Variants in STRADA observed in about 807,000 individuals in gnomAD.
STRADA encodes the protein STE20-related kinase adapter protein alpha.
In STRADA, 26 loss-of-function variants were observed where a neutral mutation model predicts 55.0. The ratio of observed to expected loss-of-function variants is 0.47; its 90% CI spans 0.35 to 0.66. STRADA has a LOEUF of 0.66. Ranked by LOEUF, STRADA falls within the 30% of genes least tolerant of loss-of-function variation. The pLI, the probability that STRADA is intolerant of heterozygous loss-of-function variation, is 0.01. For synonymous variants in STRADA, 197 were observed against 210.9 expected (o/e 0.93, Z 0.57); for missense variants, 443 against 549.7 (o/e 0.81, Z 1.94).
rs547668085 is a variant in STRADA, at chr17:63,710,138, G to A, written c.581+353C>T. 5.4e-3 allele frequency among the ~76,000 whole-genome samples: 808 copies of A among 150,680 alleles called. 6 individuals carry two copies. Among genetic ancestry groups the A allele is most frequent in the African/African-American group, 0.018 (736 of 40,964 alleles). ...CAACCTCCGCCTCCCAGGTTCAAGC[G>A]ATTCTCCTGCCTCAGCTTGTAGTCC... is the stretch of plus-strand genomic sequence containing the variant. On this transcript the variant is annotated intron_variant, in intron 8 of 12. Coordinates refer to ENST00000336174, the MANE Select transcript of STRADA (RefSeq NM_001003787.4).
chr17:63,707,753 C>T (rs979889034), intron 8 of STRADA, among the ~76,000 whole-genome samples: 9 of 150,108 alleles, frequency 6.0e-5, no homozygotes, highest in Non-Finnish European at 1.2e-4. Flanking sequence ...TTTTTTGAGA[C>T]GGAGTCTTGC....
intron 8 of STRADA, among the ~76,000 whole-genome samples, chr17:63,707,875 C>T (rs529762185): frequency 4.0e-5 from 6 of 151,386 alleles, no homozygotes; most frequent in African/African-American, 1.2e-4. Flanking sequence ...GGACTACAGG[C>T]ACCCGCCACC....
intron 3 of STRADA, 53 bp downstream of exon 3, chr17:63,726,585 A>C (rs2037676057): frequency 1.9e-6 from 3 of 1,569,284 alleles, no homozygotes; most frequent in Non-Finnish European, 2.6e-6. Flanking sequence ...GTCAACAAAA[A>C]AGTAGTGATT....
chr17:63,740,129 C>CACAT (rs1568234014), intron 1 of STRADA, among the ~76,000 whole-genome samples: 12 of 50,388 alleles, frequency 2.4e-4, no homozygotes, highest in African/African-American at 8.0e-4. Flanking sequence ...TATATATATA[C>CACAT]ACATACATAT....
At chr17:63,736,936 A>G (rs1481242634) in intron 1 of STRADA, among the ~76,000 whole-genome samples, 1 of 150,776 alleles carries the variant, frequency 6.6e-6, no homozygotes, top group Admixed American at 6.7e-5. Context: ...TTTGAAACAA[A>G]CTTAAATGTG....
chr17:63,740,113 C>CACAAAA (rs2038797922), intron 1 of STRADA, among the ~76,000 whole-genome samples: 1 of 51,094 alleles, frequency 2.0e-5, no homozygotes, highest in Non-Finnish European at 3.3e-5. Flanking sequence ...TATATACATA[C>CACAAAA]ATACATATAT....
Position 63,726,707 on chromosome 17 carries a change from A to G in STRADA, c.37-12T>C. On this transcript the variant is annotated splice_polypyrimidine_tract_variant and intron_variant, in intron 2 of 12. Transcript: ENST00000336174. ...TCCGAGACCCACCGCTAAAGAGGAA[A>G]ACCCCAAAGAGAATTAGTATTTCTT... 6.2e-7 allele frequency: 1 copy of G among 1,614,000 alleles called. No individual in the cohort carries two copies. The highest frequency in any genetic ancestry group is 8.5e-7 in the Non-Finnish European group (1 of 1,179,908).
rs1353469415 is a variant in STRADA at position 63,706,752 on chromosome 17, A to G, written c.754-13T>C. ...AACCCTGGAGATTCTAAGCCAGAAA[A>G]AAAAGGCCACAGATTACCCCATTTG... On this transcript the variant is annotated splice_polypyrimidine_tract_variant and intron_variant, in intron 9 of 12. Coordinates refer to ENST00000336174, the MANE Select transcript of STRADA (RefSeq NM_001003787.4). 1 of 1,605,618 alleles carries G rather than the reference A, an allele frequency of 6.2e-7. No homozygotes were observed. Among genetic ancestry groups the G allele is most frequent in the Non-Finnish European group, 8.5e-7 (1 of 1,173,244 alleles).
chr17:63,709,525 T>C (rs917116368), intron 8 of STRADA, among the ~76,000 whole-genome samples: 3 of 152,212 alleles, frequency 2.0e-5, no homozygotes, highest in African/African-American at 7.2e-5. Flanking sequence ...GTCACTTGTT[T>C]CTTAACCTTT....
intron 4 of STRADA, 28 bp from the exon 5 acceptor site, chr17:63,714,136 G>A: frequency 1.3e-6 from 2 of 1,543,852 alleles, no homozygotes; most frequent in Non-Finnish European, 8.9e-7. Context: ...AAATAGGTTA[G>A]TAGAGAAAAC....
intron 1 of STRADA, among the ~76,000 whole-genome samples, chr17:63,735,826 G>A (rs551179468): frequency 6.6e-6 from 1 of 152,274 alleles, no homozygotes; most frequent in South Asian, 2.1e-4. Context: ...ACAAAACTGC[G>A]CAATAAGGAA....
rs1228869564 is a variant in STRADA at position 63,740,135 on chromosome 17, CATATAT to C, written c.-45+1600_-45+1605del. Among the ~76,000 whole-genome samples, 60 of 54,218 alleles carry C rather than the reference CATATAT, an allele frequency of 1.1e-3. 1 individual carries two copies. The highest frequency in any genetic ancestry group is 4.4e-3 in the African/African-American group (55 of 12,500). 35.6% of individuals were successfully genotyped at this position (54,218 alleles called of 152,430 possible). ...ATACATACATATATATATACACATA[CATATAT>C]ATATATACACACACACACACACACA... On this transcript the variant is annotated intron_variant, in intron 1 of 12. Transcript: ENST00000336174.
chr17:63,731,746 T>C (rs1433391715), intron 1 of STRADA, among the ~76,000 whole-genome samples: 1 of 152,180 alleles, frequency 6.6e-6, no homozygotes, highest in Non-Finnish European at 1.5e-5. Flanking sequence ...TATCCTCATG[T>C]AGTCTACAAT....
At chr17:63,703,938 G>A in intron 12 of STRADA, 67 bp downstream of exon 12, 1 of 1,609,574 alleles carries the variant, frequency 6.2e-7, no homozygotes, top group Non-Finnish European at 8.5e-7. Flanking sequence ...GGGAGAGAAA[G>A]CTAAAGGGAT....
In STRADA at chr17:63,726,711, C is replaced by T. The variant is rs761614855; in HGVS notation, c.37-16G>A. 15 of 1,613,572 alleles carry T rather than the reference C, an allele frequency of 9.3e-6. No individual in the cohort carries two copies. Among genetic ancestry groups the T allele is most frequent in the Non-Finnish European group, 1.2e-5 (14 of 1,179,784 alleles). On this transcript the variant is annotated splice_polypyrimidine_tract_variant and intron_variant, in intron 2 of 12. Transcript: ENST00000336174. ...AGACCCACCGCTAAAGAGGAAAACC[C>T]CAAAGAGAATTAGTATTTCTTCCAA... is the stretch of plus-strand genomic sequence containing the variant.
At chr17:63,724,446 C>CTTT (rs200012223) in intron 3 of STRADA, among the ~76,000 whole-genome samples, 2 of 140,280 alleles carry the variant, frequency 1.4e-5, no homozygotes, top group Non-Finnish European at 1.6e-5. Flanking sequence ...CCTGGCCTAC[C>CTTT]TTTTTTTTTT....
Position 63,704,226 on chromosome 17 carries a change from G to A in STRADA, c.1100+115C>T. 3.2e-6 allele frequency: 5 copies of A among 1,543,700 alleles called. No homozygotes were observed. The South Asian group carries it at 3.6e-5, about 11-fold the overall frequency. ...ACCCAGGAGCTGATCCCTCCTGTGTGTAGCTCCAGATTCCCCTGCAGAACC... is the reference window on the plus strand; with the variant it reads ...ACCCAGGAGCTGATCCCTCCTGTGTATAGCTCCAGATTCCCCTGCAGAACC... On this transcript the variant is annotated intron_variant, in intron 11 of 12. Transcript: ENST00000336174.
intron 3 of STRADA, 145 bp from the exon 4 acceptor site, chr17:63,723,471 A>G: frequency 1.3e-6 from 1 of 763,324 alleles, no homozygotes; most frequent in African/African-American, 1.7e-5. Context: ...CTGCGGGGCT[A>G]CATATAAACA....
At chr17:63,739,720 A>G (rs1049189703) in intron 1 of STRADA, among the ~76,000 whole-genome samples, 3 of 148,398 alleles carry the variant, frequency 2.0e-5, no homozygotes, top group Non-Finnish European at 4.5e-5. Context: ...ATATAATTTT[A>G]TGTGTATATA....
Sources: allele counts gnomAD v4.1 joint callset (sites outside exome capture counted in the v4.1 genomes callset), GRCh38; gene constraint gnomAD v4.1.1; transcripts MANE v1.5; gene names NCBI Gene and HGNC (gene_info 2026-07-23, HGNC 2026-07-21).